The following KHDRBS3 variants were observed in gnomAD, a reference collection of about 807,000 sequenced individuals.
The protein encoded by KHDRBS3 is KH domain-containing, RNA-binding, signal transduction-associated protein 3.
KHDRBS3 carries 23 observed loss-of-function variants against 45.6 expected under a neutral mutation model. That is an observed-to-expected ratio of 0.50 (90% confidence interval 0.36 to 0.72). The LOEUF (loss-of-function observed/expected upper bound fraction) is 0.72, where lower values mean the gene tolerates loss of function less well. Ranked by LOEUF, KHDRBS3 falls within the 30% of genes least tolerant of loss-of-function variation. The pLI is 0.00. For missense variants in KHDRBS3, 352 were observed against 424.8 expected (o/e 0.83, Z 1.51); for synonymous variants, 162 against 156.5 (o/e 1.04, Z -0.26).
At chr8:135,493,614 G>A (rs1586603802) in intron 1 of KHDRBS3, among the ~76,000 whole-genome samples, 1 of 152,112 alleles carries the variant, frequency 6.6e-6, no homozygotes, top group African/African-American at 2.4e-5. Context: ...TGTTAAGCCA[G>A]TCATCTACTT....
chr8:135,509,163 C>G lies in KHDRBS3; in HGVS notation c.89-12074C>G, dbSNP rs909749863. 2.0e-5 allele frequency among the ~76,000 whole-genome samples: 3 copies of G among 152,182 alleles called. No homozygotes were observed. The East Asian group carries it at 5.8e-4, about 29-fold the overall frequency. Reference sequence around the variant, plus strand: ...GTAAATGGGGGTCATTAAATGAATACAATTGACTATCCCAATAGAATTCCA... The same window carrying G: ...GTAAATGGGGGTCATTAAATGAATAGAATTGACTATCCCAATAGAATTCCA... On this transcript the variant is annotated intron_variant, in intron 1 of 8. Transcript: ENST00000355849.
At chr8:135,587,208 C>G (rs1586762760) in intron 6 of KHDRBS3, among the ~76,000 whole-genome samples, 1 of 152,206 alleles carries the variant, frequency 6.6e-6, no homozygotes, top group Admixed American at 6.5e-5. Context: ...ATACTGTCAT[C>G]TGAGCCAACT....
At chr8:135,487,955 TATATC>T (rs1490713385) in intron 1 of KHDRBS3, among the ~76,000 whole-genome samples, 4 of 152,048 alleles carry the variant, frequency 2.6e-5, no homozygotes, top group African/African-American at 9.7e-5. Flanking sequence ...CTTCAAAAAT[TATATC>T]AAATCATTGT....
intron 5 of KHDRBS3, among the ~76,000 whole-genome samples, chr8:135,558,659 C>T (rs1387525553): frequency 6.6e-6 from 1 of 152,116 alleles, no homozygotes; most frequent in Non-Finnish European, 1.5e-5. Flanking sequence ...TGTAGGTACT[C>T]AGTAAATGGT....
At chr8:135,516,817 A>G (rs1824634170) in intron 1 of KHDRBS3, among the ~76,000 whole-genome samples, 1 of 152,152 alleles carries the variant, frequency 6.6e-6, no homozygotes, top group Admixed American at 6.5e-5. Flanking sequence ...CTAAGTATAT[A>G]TGTAGGTTAA....
intron 6 of KHDRBS3, among the ~76,000 whole-genome samples, chr8:135,595,945 A>G (rs996534625): frequency 6.6e-6 from 1 of 152,192 alleles, no homozygotes; most frequent in African/African-American, 2.4e-5. Context: ...CTTGCTGAGC[A>G]TGACTACAAA....
Position 135,481,222 on chromosome 8 carries a change from C to T in KHDRBS3, c.88+23268C>T, listed in dbSNP as rs576104426. 3.8e-4 allele frequency among the ~76,000 whole-genome samples: 13 copies of T among 34,618 alleles called. No individual in the cohort carries two copies. The East Asian group carries it at 6.9e-3, about 18-fold the overall frequency. 22.7% of individuals were successfully genotyped at this position (34,618 alleles called of 152,430 possible). Reference sequence around the variant, plus strand: ...TTTCTTGTCTGATTCATGAAAGCCACGATATATATATATATATATATATAT... The same window carrying T: ...TTTCTTGTCTGATTCATGAAAGCCATGATATATATATATATATATATATAT... On this transcript the variant is annotated intron_variant, in intron 1 of 8. Coordinates refer to ENST00000355849, the MANE Select transcript of KHDRBS3 (RefSeq NM_006558.3).
chr8:135,469,517 GTTTTGGTTTTTT>G (rs1821883764), intron 1 of KHDRBS3, among the ~76,000 whole-genome samples: 3 of 30,692 alleles, frequency 9.8e-5, no homozygotes, highest in Middle Eastern at 0.019. Flanking sequence ...TTTTTTTTTT[GTTTTGGTTTTTT>G]TTTTTTTTTT....
chr8:135,559,915 A>G (rs940979760), intron 5 of KHDRBS3, among the ~76,000 whole-genome samples: 3 of 152,142 alleles, frequency 2.0e-5, no homozygotes, highest in Non-Finnish European at 2.9e-5. Flanking sequence ...ATGCATATAG[A>G]TAAGTAAAAA....
At chr8:135,605,319 A>C (rs1440601556) in intron 6 of KHDRBS3, among the ~76,000 whole-genome samples, 1 of 151,890 alleles carries the variant, frequency 6.6e-6, no homozygotes, top group Non-Finnish European at 1.5e-5. Flanking sequence ...TACTCTGTTC[A>C]TTCATCTTTT....
intron 5 of KHDRBS3, among the ~76,000 whole-genome samples, chr8:135,568,879 G>A (rs1256071403): frequency 3.3e-5 from 5 of 152,116 alleles, no homozygotes; most frequent in Non-Finnish European, 7.4e-5. Context: ...TGTAACTGGT[G>A]CCTACATTTT....
intron 1 of KHDRBS3, among the ~76,000 whole-genome samples, chr8:135,472,599 G>A (rs1264635865): frequency 1.3e-5 from 2 of 152,230 alleles, no homozygotes; most frequent in African/African-American, 4.8e-5. Flanking sequence ...ATTAGACAGG[G>A]ACTAGGATGA....
At chr8:135,462,458 C>T (rs1207087096) in intron 1 of KHDRBS3, among the ~76,000 whole-genome samples, 2 of 152,040 alleles carry the variant, frequency 1.3e-5, no homozygotes, top group East Asian at 3.9e-4. Context: ...GTGAGAAGCT[C>T]CTGCTCTCCT....
At chr8:135,509,168 G>C (rs1032798416) in intron 1 of KHDRBS3, among the ~76,000 whole-genome samples, 11 of 152,236 alleles carry the variant, frequency 7.2e-5, no homozygotes, top group African/African-American at 2.4e-4. Flanking sequence ...GAATACAATT[G>C]ACTATCCCAA....
At chr8:135,569,985 AAAG>A (rs1827625527) in intron 5 of KHDRBS3, among the ~76,000 whole-genome samples, 1 of 152,232 alleles carries the variant, frequency 6.6e-6, no homozygotes, top group African/African-American at 2.4e-5. Flanking sequence ...CTTTATTAAA[AAAG>A]ATAATTTTTG....
chr8:135,476,350 G>A (rs905014931), intron 1 of KHDRBS3, among the ~76,000 whole-genome samples: 3 of 152,044 alleles, frequency 2.0e-5, no homozygotes, highest in Non-Finnish European at 4.4e-5. Context: ...CACCATATTG[G>A]TCAAGCTGGT....
chr8:135,642,679 G>A (rs1831112344), intron 7 of KHDRBS3, among the ~76,000 whole-genome samples: 1 of 152,082 alleles, frequency 6.6e-6, no homozygotes, highest in South Asian at 2.1e-4. Flanking sequence ...TAACCTCCGT[G>A]TTACACCGTA....
At chr8:135,644,960 C>G in intron 7 of KHDRBS3, 99 bp from the exon 8 acceptor site, 1 of 1,251,392 alleles carries the variant, frequency 8.0e-7, no homozygotes, top group Non-Finnish European at 1.1e-6. Context: ...CAGTCTTGCC[C>G]TTCATTAGTT....
intron 2 of KHDRBS3, among the ~76,000 whole-genome samples, chr8:135,532,565 A>G (rs1047392079): frequency 1.3e-5 from 2 of 152,172 alleles, no homozygotes; most frequent in African/African-American, 4.8e-5. Flanking sequence ...GTGTGTACAC[A>G]CACGGAGTGG....
Sources: gnomAD v4.1 joint callset for allele counts (sites outside exome capture counted in the v4.1 genomes callset) on GRCh38, gnomAD v4.1.1 for gene constraint, MANE v1.5 for transcripts, NCBI Gene and HGNC (gene_info 2026-07-23, HGNC 2026-07-21) for gene names.